The following TIAM1 variants were observed in gnomAD, a reference collection of about 807,000 sequenced individuals.
TIAM1 encodes the protein rho guanine nucleotide exchange factor TIAM1.
TIAM1 carries 65 observed loss-of-function variants against 163.5 expected under a neutral mutation model. The observed-to-expected ratio is 0.40, with a 90% CI of 0.33 to 0.49. The LOEUF is 0.49. TIAM1 is among the 20% of genes least tolerant of loss of function. TIAM1 has a pLI of 0.77. For missense variants in TIAM1, 1,789 were observed against 2,044.7 expected, an observed-to-expected ratio of 0.87 and a Z score of 2.41; for synonymous variants, 833 against 810.1, an observed-to-expected ratio of 1.03 and a Z score of -0.48.
intron 2 of TIAM1, among the ~76,000 whole-genome samples, chr21:31,434,958 A>G (rs999459876): frequency 2.0e-5 from 3 of 152,256 alleles, no homozygotes; most frequent in Non-Finnish European, 4.4e-5. Flanking sequence ...TATTATGGTT[A>G]AAAGTCTCAG....
intron 2 of TIAM1, among the ~76,000 whole-genome samples, chr21:31,361,923 T>C (rs987592453): frequency 4.6e-5 from 7 of 152,170 alleles, no homozygotes; most frequent in African/African-American, 1.7e-4. Flanking sequence ...TATACACATA[T>C]ATACATATAC....
intron 1 of TIAM1, among the ~76,000 whole-genome samples, chr21:31,540,385 CAAA>C (rs77493008): frequency 8.0e-5 from 5 of 62,318 alleles, no homozygotes; most frequent in Admixed American, 3.6e-4. Context: ...TACTCCATCT[CAAA>C]AAAAAAAAAA....
intron 2 of TIAM1, among the ~76,000 whole-genome samples, chr21:31,396,242 C>T (rs776166437): frequency 5.9e-5 from 9 of 152,242 alleles, no homozygotes; most frequent in Non-Finnish European, 1.0e-4. Flanking sequence ...GAACCTCGCT[C>T]CTGCAGGTGA....
chr21:31,245,680 G>A lies in TIAM1; in HGVS notation c.1412-20C>T, dbSNP rs370027136. On this transcript the variant is annotated intron_variant, in intron 5 of 27. Transcript: ENST00000541036. ...TGCATCCTGAGGAAACAGAACAGGG[G>A]TGTGCATGAGTATTCAGTGCTTGGG... 3.3e-5 allele frequency: 50 copies of A among 1,496,192 alleles called. No homozygotes were observed. The highest frequency in any genetic ancestry group is 4.2e-5 in the Non-Finnish European group (47 of 1,115,888). 92.7% of individuals were successfully genotyped at this position (1,496,192 alleles called of 1,614,324 possible).
Position 31,124,401 on chromosome 21 carries a change from T to A in TIAM1, c.4306+121A>T, listed in dbSNP as rs562700080. ...ACCTCACACCAGGGAAAAACCGTCC[T>A]CCTACATCAGCCCCCACCAGGCCAC... On this transcript the variant is annotated intron_variant, in intron 27 of 27. Transcript: ENST00000541036. 7.1e-6 allele frequency: 10 copies of A among 1,407,268 alleles called. No homozygotes were observed. In the Admixed American group the frequency reaches 2.5e-4, roughly 35 times the overall value. 87.2% of individuals were successfully genotyped at this position (1,407,268 alleles called of 1,614,324 possible).
At chr21:31,177,716 C>T (rs1485290617) in intron 15 of TIAM1, among the ~76,000 whole-genome samples, 1 of 152,192 alleles carries the variant, frequency 6.6e-6, no homozygotes, top group African/African-American at 2.4e-5. Context: ...AGAAACAAAC[C>T]TCTCTATGAG....
intron 15 of TIAM1, among the ~76,000 whole-genome samples, chr21:31,178,045 C>T (rs2084847829): frequency 6.6e-6 from 1 of 152,218 alleles, no homozygotes; most frequent in African/African-American, 2.4e-5. Context: ...GCCCGTTGTA[C>T]AAAATTTTCT....
At chr21:31,211,244 C>T (rs1007688143) in intron 10 of TIAM1, among the ~76,000 whole-genome samples, 15 of 152,076 alleles carry the variant, frequency 9.9e-5, no homozygotes, top group African/African-American at 3.4e-4. Context: ...CTGGGTTAAA[C>T]CTAAGCAAGC....
intron 27 of TIAM1, among the ~76,000 whole-genome samples, chr21:31,122,143 C>A (rs898320040): frequency 2.6e-5 from 4 of 152,134 alleles, no homozygotes; most frequent in Admixed American, 2.0e-4. Flanking sequence ...GCTTCAGACC[C>A]CTGCGTGTCC....
At chr21:31,402,808 C>T (rs773696065) in intron 2 of TIAM1, among the ~76,000 whole-genome samples, 17 of 151,984 alleles carry the variant, frequency 1.1e-4, no homozygotes, top group Non-Finnish European at 2.4e-4. Flanking sequence ...AAAAATTAGC[C>T]GGGCGTGGTA....
chr21:31,188,947 G>A (rs971118047), intron 13 of TIAM1, among the ~76,000 whole-genome samples: 7 of 151,498 alleles, frequency 4.6e-5, no homozygotes, highest in Admixed American at 4.6e-4. Flanking sequence ...CTGGAAGATG[G>A]CAGGAGAGGC....
At position 31,250,683 on chromosome 21, in the gene TIAM1, A is replaced by T. The variant is rs145137414; in HGVS notation, c.1411+1059T>A. On this transcript the variant is annotated intron_variant, in intron 5 of 27. Transcript: ENST00000541036. ...GTTGACCTATCTAACCTAGCCTGCC[A>T]TGTATTAACCCTGTTTCAAGTCTAG... 9.5e-3 allele frequency among the ~76,000 whole-genome samples: 1,448 copies of T among 152,306 alleles called. 17 individuals are homozygous for T. Among genetic ancestry groups the T allele is most frequent in the African/African-American group, 0.033 (1,388 of 41,568 alleles).
chr21:31,247,227 T>C (rs947412003), intron 5 of TIAM1, among the ~76,000 whole-genome samples: 3 of 151,738 alleles, frequency 2.0e-5, no homozygotes, highest in African/African-American at 7.3e-5. Flanking sequence ...GGGAGGATTG[T>C]TTGAGCCCAG....
intron 2 of TIAM1, among the ~76,000 whole-genome samples, chr21:31,386,442 C>T (rs1569286029): frequency 6.6e-6 from 1 of 152,140 alleles, no homozygotes; most frequent in Non-Finnish European, 1.5e-5. Context: ...CACCAAAAGA[C>T]CCATAGAAGA....
intron 2 of TIAM1, among the ~76,000 whole-genome samples, chr21:31,390,381 G>A (rs897449576): frequency 1.2e-4 from 19 of 152,210 alleles, no homozygotes; most frequent in African/African-American, 3.9e-4. Context: ...CAGTATACAC[G>A]TTCACTTCAC....
intron 16 of TIAM1, among the ~76,000 whole-genome samples, chr21:31,163,482 T>C (rs1360867740): frequency 6.6e-6 from 1 of 152,236 alleles, no homozygotes; most frequent in Non-Finnish European, 1.5e-5. Context: ...AGTCTATAAA[T>C]ATTAATGTTG....
intron 2 of TIAM1, among the ~76,000 whole-genome samples, chr21:31,284,679 C>T (rs750470812): frequency 3.9e-5 from 6 of 152,000 alleles, no homozygotes; most frequent in Admixed American, 6.6e-5. Context: ...CCACCACACC[C>T]GGCTAATTTT....
chr21:31,383,753 TA>T (rs1249955563), intron 2 of TIAM1, among the ~76,000 whole-genome samples: 1 of 152,178 alleles, frequency 6.6e-6, no homozygotes, highest in Non-Finnish European at 1.5e-5. Context: ...CGTGTCCATG[TA>T]AACAAGGTAG....
At position 31,536,735 on chromosome 21, in the gene TIAM1, C is replaced by G. The variant is rs114737677; in HGVS notation, c.-422+22192G>C. On this transcript the variant is annotated intron_variant, in intron 1 of 28. Transcript: ENST00000286827. ...GGGCACGAGCCCTATGGCCTCAGAC[C>G]TCATCTCAAGCCACGGGGAAGATGA... 1.8e-3 allele frequency among the ~76,000 whole-genome samples: 269 copies of G among 152,286 alleles called. 1 individual carries two copies. The highest frequency in any genetic ancestry group is 6.2e-3 in the African/African-American group (257 of 41,558).
Sources: gnomAD v4.1 joint callset for allele counts (sites outside exome capture counted in the v4.1 genomes callset) on GRCh38, gnomAD v4.1.1 for gene constraint, MANE v1.5 for transcripts, NCBI Gene and HGNC (gene_info 2026-07-23, HGNC 2026-07-21) for gene names.